TPPP2: variants seen among roughly 807,000 people sequenced by gnomAD.
TPPP2 encodes the protein tubulin polymerization-promoting protein family member 2.
Under a neutral mutation model 13.0 loss-of-function variants are expected in TPPP2, and 8 were observed. That is an observed-to-expected ratio of 0.62 (90% CI 0.36 to 1.11). The LOEUF is 1.11. Among genes scored for constraint, TPPP2 ranks in the 50% most tolerant of loss-of-function variants. The pLI, the probability that TPPP2 is intolerant of heterozygous loss-of-function variation, is 0.02. For synonymous variants in TPPP2, 81 were observed against 81.8 expected (o/e 0.99, Z 0.05); for missense variants, 213 against 216.9 (o/e 0.98, Z 0.11).
chr14:21,035,886 GTT>G, downstream of TPPP2: 1 of 454,464 alleles, frequency 2.2e-6, no homozygotes, highest in Admixed American at 2.4e-5. Context: ...CTGCATGGTG[GTT>G]AAGATCAAGG....
downstream of TPPP2, chr14:21,032,850 T>C: frequency 2.3e-6 from 1 of 434,498 alleles, no homozygotes; most frequent in Non-Finnish European, 4.5e-6. Flanking sequence ...TTGAATTGAT[T>C]ATGGGTTGAC....
chr14:21,028,276 T>TG (rs1883830637), upstream of TPPP2, among the ~76,000 whole-genome samples: 1 of 151,904 alleles, frequency 6.6e-6, no homozygotes. Flanking sequence ...GTTTTTGAGA[T>TG]GGGGTCTCTC....
chr14:21,031,584 C>T (rs984182660), intron 3 of TPPP2, among the ~76,000 whole-genome samples: 8 of 152,148 alleles, frequency 5.3e-5, no homozygotes, highest in Admixed American at 2.6e-4. Flanking sequence ...GATATTGAGT[C>T]GGGGAGTGGG....
chr14:21,027,567 T>C (rs1438671083), upstream of TPPP2, among the ~76,000 whole-genome samples: 1 of 152,196 alleles, frequency 6.6e-6, no homozygotes, highest in Non-Finnish European at 1.5e-5. Context: ...ACATAATAGG[T>C]ATAGTATCCC....
upstream of TPPP2, among the ~76,000 whole-genome samples, chr14:21,026,013 C>G (rs900866797): frequency 1.2e-4 from 18 of 152,092 alleles, no homozygotes; most frequent in Admixed American, 9.8e-4. Context: ...GCCGCTAACC[C>G]CTCCCAGTCC....
At chr14:21,024,674 G>A in intron 1 of TPPP2, 1 of 985,484 alleles carries the variant, frequency 1.0e-6, no homozygotes, top group Non-Finnish European at 1.2e-6. Flanking sequence ...CTCCCCCGAC[G>A]GCCCGCGAAG....
chr14:21,033,883 G>C (rs753104359), downstream of TPPP2: 2 of 1,614,102 alleles, frequency 1.2e-6, no homozygotes, highest in Non-Finnish European at 1.7e-6. Flanking sequence ...GAGCAGAGTA[G>C]GTAGAGCTTC....
chr14:21,034,494 C>G (rs1335003638), downstream of TPPP2, among the ~76,000 whole-genome samples: 2 of 152,214 alleles, frequency 1.3e-5, no homozygotes, highest in Non-Finnish European at 2.9e-5. Flanking sequence ...CCCTGCTCCC[C>G]TGGTCCACCA....
In TPPP2 at chr14:21,030,560, C is replaced by T; in HGVS notation, c.-22C>T. On this transcript the variant is annotated 5_prime_UTR_variant, in exon 2 of 4. Coordinates refer to ENST00000321760, the MANE Select transcript of TPPP2 (RefSeq NM_173846.5). The stretch of plus-strand genomic sequence containing the variant: ...ACCCCCAAGTGTCTCCCACGACTGC[C>T]CTCCCCGACCTCTAGCTGACCATGG... The T allele has an allele frequency of 6.2e-7, 1 of 1,610,846 alleles. No homozygotes were observed. The highest frequency in any genetic ancestry group is 8.5e-7 in the Non-Finnish European group (1 of 1,178,452).
chr14:21,024,442 T>C, intron 1 of TPPP2: 1 of 938,688 alleles, frequency 1.1e-6, no homozygotes. Flanking sequence ...TTGGCCTCAA[T>C]TTTCTATCTG....
At chr14:21,033,420 T>G, downstream of TPPP2, 1 of 279,788 alleles carries the variant, frequency 3.6e-6, no homozygotes, top group Non-Finnish European at 6.9e-6. Context: ...AGAAGGCTGG[T>G]GGGGATGGGG....
intron 2 of TPPP2, 117 bp from the exon 3 acceptor site, chr14:21,030,895 G>A (rs1243459): frequency 0.46 from 693,118 of 1,505,140 alleles, 163,704 homozygotes; most frequent in Admixed American, 0.56. Context: ...CTTTGTCTTC[G>A]AGACACTCAC....
At chr14:21,029,456 C>T (rs564541833), upstream of TPPP2, among the ~76,000 whole-genome samples, 253 of 152,068 alleles carry the variant, frequency 1.7e-3, no homozygotes, top group African/African-American at 5.7e-3. Context: ...CAAAAATTAG[C>T]CAGGCATAGT....
At chr14:21,033,740 G>A (rs778505220), downstream of TPPP2, 2 of 1,019,672 alleles carry the variant, frequency 2.0e-6, no homozygotes, top group Admixed American at 3.4e-5. Flanking sequence ...CAGGAAGGAA[G>A]TCTTGTTACA....
upstream of TPPP2, chr14:21,029,369 G>C (rs1883906194): frequency 6.6e-6 from 1 of 152,198 alleles, no homozygotes; most frequent in Admixed American, 6.5e-5. Context: ...GGGAGGCTGA[G>C]GCAGGTGGAT....
chr14:21,024,705 A>G, intron 1 of TPPP2: 1 of 985,258 alleles, frequency 1.0e-6, no homozygotes, highest in South Asian at 4.7e-5. Flanking sequence ...TCGGGAAGGG[A>G]TGGGTAGGAC....
At chr14:21,029,789 C>T (rs964325312), upstream of TPPP2, among the ~76,000 whole-genome samples, 4 of 152,160 alleles carry the variant, frequency 2.6e-5, no homozygotes, top group African/African-American at 4.8e-5. Flanking sequence ...CAAGAAGGTG[C>T]CATCTATGGA....
rs191737878 is a variant in TPPP2, at chr14:21,030,370, A to G, written c.-70+66A>G. The G allele has an allele frequency of 1.7e-4, 99 of 576,296 alleles. 1 individual carries two copies. Among genetic ancestry groups the G allele is most frequent in the African/African-American group, 1.3e-3 (72 of 53,478 alleles). The allele number at this position is 576,296 out of a possible 1,614,324, so 35.7% of individuals were successfully genotyped here. ...GGTAGGATCCACACTGGTATCTCCA[A>G]TGCTGGGAATGGGAGACTCATGCTG... On this transcript the variant is annotated intron_variant, in intron 1 of 3. Transcript: ENST00000321760.
chr14:21,032,052 G>T lies in TPPP2; in HGVS notation c.488G>T (p.Gly163Val). Residue 163 changes from glycine (G) to valine (V), a missense_variant, in exon 4 of 4, where the codon GGC becomes GTC. Physicochemically the swap from Gly to Val is moderately radical, Grantham distance 109. Transcript: ENST00000321760. ...TGYVSGYKGS[G>V]TYDKKTK ...TATGTGAGTGGTTACAAGGGTTCTG[G>T]CACCTACGATAAGAAGACCAAGTAG... 6.2e-7 allele frequency: 1 copy of T among 1,613,976 alleles called. No individual in the cohort carries two copies. The highest frequency in any genetic ancestry group is 8.5e-7 in the Non-Finnish European group (1 of 1,179,912).
Sources: allele counts gnomAD v4.1 joint callset (sites outside exome capture counted in the v4.1 genomes callset), GRCh38; gene constraint gnomAD v4.1.1; transcripts MANE v1.5; gene names NCBI Gene and HGNC (gene_info 2026-07-23, HGNC 2026-07-21).